The following ERC2 variants were observed in gnomAD, a reference collection of about 807,000 sequenced individuals.
The protein encoded by ERC2 is ERC protein 2.
ERC2 carries 42 observed loss-of-function variants against 114.8 expected under a neutral mutation model. That is an observed-to-expected ratio of 0.37 (90% CI 0.29 to 0.47). ERC2 has a LOEUF of 0.47. Ranked by LOEUF, ERC2 falls within the 20% of genes least tolerant of loss-of-function variation. The probability of loss-of-function intolerance (pLI) is 0.99; values close to 1 mark genes in which losing one functional copy is unlikely to be tolerated. For missense variants in ERC2, 939 were observed against 1,150.7 expected (o/e 0.82, Z 2.66); for synonymous variants, 454 against 425.5 (o/e 1.07, Z -0.82).
intron 14 of ERC2, among the ~76,000 whole-genome samples, chr3:55,816,146 G>A (rs2059898296): frequency 6.6e-6 from 1 of 152,220 alleles, no homozygotes; most frequent in Admixed American, 6.5e-5. Flanking sequence ...ATATGACTTA[G>A]AGAAAATGTG....
intron 2 of ERC2, among the ~76,000 whole-genome samples, chr3:56,343,186 T>A (rs62255868): frequency 8.0e-4 from 12 of 14,994 alleles, no homozygotes; most frequent in Non-Finnish European, 1.6e-3. Flanking sequence ...TCTCTCTCTC[T>A]CTCTCTCACA....
At chr3:56,140,303 A>T (rs1266014819) in intron 5 of ERC2, among the ~76,000 whole-genome samples, 1 of 152,176 alleles carries the variant, frequency 6.6e-6, no homozygotes, top group Non-Finnish European at 1.5e-5. Context: ...ATTTGGAAAT[A>T]ATTACCACCC....
At chr3:56,274,530 A>G (rs1159792915) in intron 3 of ERC2, among the ~76,000 whole-genome samples, 1 of 152,046 alleles carries the variant, frequency 6.6e-6, no homozygotes, top group African/African-American at 2.4e-5. Context: ...AAAAATCCAC[A>G]TATGAGTGGA....
intron 7 of ERC2, among the ~76,000 whole-genome samples, chr3:56,080,152 T>C (rs1303335851): frequency 6.6e-6 from 1 of 152,148 alleles, no homozygotes; most frequent in African/African-American, 2.4e-5. Context: ...GAAGGCAGGA[T>C]ACTCAATGGC....
At chr3:55,815,449 A>G (rs2059872228) in intron 14 of ERC2, among the ~76,000 whole-genome samples, 1 of 152,222 alleles carries the variant, frequency 6.6e-6, no homozygotes, top group South Asian at 2.1e-4. Flanking sequence ...GATGTGAAGC[A>G]TAAGAATGCA....
rs1203444291 is a variant in ERC2, at chr3:55,703,013, A to G, written c.2713-3501T>C. Among the ~76,000 whole-genome samples the G allele has an allele frequency of 2.0e-5, 3 of 152,074 alleles. No homozygotes were observed. In the East Asian group the frequency reaches 5.8e-4, roughly 29 times the overall value. ...TGGCTAACTGTGTTATACTCTTTTT[A>G]CTATATTACGTCATGACTGTGGAGA... is the stretch of plus-strand genomic sequence containing the variant. On this transcript the variant is annotated intron_variant, in intron 15 of 17. Coordinates refer to ENST00000288221, the MANE Select transcript of ERC2 (RefSeq NM_015576.3).
intron 14 of ERC2, among the ~76,000 whole-genome samples, chr3:55,749,517 T>C (rs1169068353): frequency 1.3e-5 from 2 of 152,136 alleles, no homozygotes; most frequent in Non-Finnish European, 2.9e-5. Flanking sequence ...TCAGGAACTT[T>C]TCTGTCTCAC....
intron 2 of ERC2, among the ~76,000 whole-genome samples, chr3:56,314,797 T>C (rs986393077): frequency 6.6e-5 from 10 of 152,220 alleles, no homozygotes; most frequent in Non-Finnish European, 1.3e-4. Flanking sequence ...CCCAAAGAGG[T>C]TGACCACTGG....
At chr3:56,312,947 C>G (rs938937745) in intron 2 of ERC2, among the ~76,000 whole-genome samples, 69 of 138,690 alleles carry the variant, frequency 5.0e-4, no homozygotes, top group African/African-American at 1.8e-3. Context: ...AAGCTACCTA[C>G]TGCTATATCC....
intron 13 of ERC2, among the ~76,000 whole-genome samples, chr3:55,900,409 G>A (rs1262097884): frequency 6.6e-5 from 10 of 152,178 alleles, no homozygotes; most frequent in Non-Finnish European, 1.3e-4. Flanking sequence ...CATTAGCAGA[G>A]TCTGTTCATT....
chr3:56,439,109 T>A lies in ERC2; in HGVS notation c.-140-3962A>T, dbSNP rs150340072. Among the ~76,000 whole-genome samples, 78 of 152,312 alleles carry A rather than the reference T, an allele frequency of 5.1e-4. 2 individuals are homozygous for A. The East Asian group carries it at 9.6e-3, about 19-fold the overall frequency. Reference sequence around the variant, plus strand: ...TCTGGAACAGTTAGCATAATACCAGTCTTCCCTATTCCTGAAATATTTTGT... The same window carrying A: ...TCTGGAACAGTTAGCATAATACCAGACTTCCCTATTCCTGAAATATTTTGT... On this transcript the variant is annotated intron_variant, in intron 1 of 17. Coordinates refer to ENST00000288221, the MANE Select transcript of ERC2 (RefSeq NM_015576.3).
rs2058395766 is a variant in ERC2 at position 56,348,516 on chromosome 3, A to G, written c.658-52081T>C. ...ATAAATATATATAAATTAATTTTAT[A>G]TATACTACAATATTTAATATTTAAT... On this transcript the variant is annotated intron_variant, in intron 2 of 17. Transcript: ENST00000288221. 2.2e-5 allele frequency among the ~76,000 whole-genome samples: 3 copies of G among 136,676 alleles called. No individual in the cohort carries two copies. The South Asian group carries it at 6.7e-4, about 30-fold the overall frequency. The allele number at this position is 136,676 out of a possible 152,430, so 89.7% of individuals were successfully genotyped here.
intron 17 of ERC2, among the ~76,000 whole-genome samples, chr3:55,520,854 A>G (rs777674752): frequency 9.2e-5 from 14 of 152,218 alleles, no homozygotes; most frequent in Non-Finnish European, 1.6e-4. Context: ...TGAGCCTGCC[A>G]TAGCATATAC....
intron 13 of ERC2, among the ~76,000 whole-genome samples, chr3:55,901,341 T>G (rs2064125431): frequency 6.6e-6 from 1 of 152,048 alleles, no homozygotes; most frequent in African/African-American, 2.4e-5. Context: ...GGGTCTCCAC[T>G]TAGAGTCTCA....
At position 56,200,093 on chromosome 3, in the gene ERC2, A is replaced by G. The variant is rs528137422; in HGVS notation, c.1075-26573T>C. Among the ~76,000 whole-genome samples the G allele has an allele frequency of 5.9e-5, 9 of 152,140 alleles. 1 individual carries two copies. The South Asian group carries it at 1.9e-3, about 32-fold the overall frequency. ...ATGGATTGAATACCTATCTCTCAAG[A>G]GTTAGGGTTACTGTGAGGAATTCAG... On this transcript the variant is annotated intron_variant, in intron 3 of 17. Coordinates refer to ENST00000288221, the MANE Select transcript of ERC2 (RefSeq NM_015576.3).
At chr3:56,032,957 A>AAAAG (rs1470573794) in intron 7 of ERC2, among the ~76,000 whole-genome samples, 2 of 48,342 alleles carry the variant, frequency 4.1e-5, no homozygotes, top group South Asian at 9.1e-4. Context: ...GAAAGAAAGA[A>AAAAG]ACAGAAAGAA....
chr3:56,263,471 G>A (rs2053085350), intron 3 of ERC2, among the ~76,000 whole-genome samples: 1 of 151,956 alleles, frequency 6.6e-6, no homozygotes, highest in Non-Finnish European at 1.5e-5. Flanking sequence ...GATCAGCACA[G>A]AGAGGAACTC....
chr3:55,874,837 A>G (rs2149290577), intron 14 of ERC2, among the ~76,000 whole-genome samples: 1 of 152,274 alleles, frequency 6.6e-6, no homozygotes, highest in African/African-American at 2.4e-5. Flanking sequence ...GAAATGAATC[A>G]ATCCCAGCGA....
intron 11 of ERC2, among the ~76,000 whole-genome samples, chr3:55,989,354 T>C (rs1217196131): frequency 1.3e-5 from 2 of 152,270 alleles, no homozygotes; most frequent in Non-Finnish European, 2.9e-5. Context: ...AATTAGACCA[T>C]TAAGCTGTTT....
Sources: allele counts gnomAD v4.1 joint callset (sites outside exome capture counted in the v4.1 genomes callset), GRCh38; gene constraint gnomAD v4.1.1; transcripts MANE v1.5; gene names NCBI Gene and HGNC (gene_info 2026-07-23, HGNC 2026-07-21).